POU6F2: variants seen among roughly 807,000 people sequenced by gnomAD.
The protein encoded by POU6F2 is POU class 6 homeobox 2.
Under a neutral mutation model 71.3 loss-of-function variants are expected in POU6F2, and 31 were observed. The observed-to-expected ratio is 0.43, with a 90% CI of 0.33 to 0.59. The LOEUF (loss-of-function observed/expected upper bound fraction) is 0.59, where lower values mean the gene tolerates loss of function less well. Ranked by LOEUF, POU6F2 falls within the 20% of genes least tolerant of loss-of-function variation. The pLI, the probability that POU6F2 is intolerant of heterozygous loss-of-function variation, is 0.04. For synonymous variants in POU6F2, 347 were observed against 355.7 expected (o/e 0.98, Z 0.27); for missense variants, 783 against 856.8 (o/e 0.91, Z 1.07).
chr7:39,371,810 C>T (rs905626390), intron 5 of POU6F2, among the ~76,000 whole-genome samples: 14 of 152,188 alleles, frequency 9.2e-5, no homozygotes, highest in African/African-American at 3.1e-4. Context: ...ATTGCTATAG[C>T]GCAGGAGCCA....
intron 5 of POU6F2, among the ~76,000 whole-genome samples, chr7:39,399,124 C>A (rs1046060845): frequency 6.6e-6 from 1 of 152,154 alleles, no homozygotes; most frequent in Admixed American, 6.5e-5. Context: ...AAACCACCAC[C>A]CCTTCTCCCA....
At chr7:39,178,456 A>T (rs1793372751) in intron 2 of POU6F2, among the ~76,000 whole-genome samples, 1 of 152,152 alleles carries the variant, frequency 6.6e-6, no homozygotes, top group African/African-American at 2.4e-5. Flanking sequence ...ACATTTTATA[A>T]GTATAATACA....
rs551947119 is a variant in POU6F2 at position 39,396,999 on chromosome 7, A to G, written c.973-9601A>G. Among the ~76,000 whole-genome samples the G allele has an allele frequency of 1.7e-4, 26 of 152,170 alleles. No homozygotes were observed. In the South Asian group the frequency reaches 4.4e-3, roughly 26 times the overall value. ...CCTCAGCCCAGCCCAGCCCCACCCAATTCCAGGCAAAGAATTTCTAGGGAC... is the reference window on the plus strand; with the variant it reads ...CCTCAGCCCAGCCCAGCCCCACCCAGTTCCAGGCAAAGAATTTCTAGGGAC... On this transcript the variant is annotated intron_variant, in intron 5 of 9. Coordinates refer to ENST00000518318, the MANE Select transcript of POU6F2 (RefSeq NM_001370959.1).
chr7:39,269,982 G>T (rs981777250), intron 4 of POU6F2, among the ~76,000 whole-genome samples: 1 of 152,194 alleles, frequency 6.6e-6, no homozygotes, highest in Non-Finnish European at 1.5e-5. Flanking sequence ...ATAATAGGAA[G>T]ATGTTTTATC....
At chr7:39,161,174 A>G (rs1054859062) in intron 2 of POU6F2, among the ~76,000 whole-genome samples, 3 of 152,036 alleles carry the variant, frequency 2.0e-5, no homozygotes, top group African/African-American at 7.2e-5. Flanking sequence ...CCTAACTACA[A>G]TCTCTTGCCT....
At chr7:38,994,380 G>T (rs373111825) in intron 1 of POU6F2, among the ~76,000 whole-genome samples, 20 of 152,258 alleles carry the variant, frequency 1.3e-4, no homozygotes, top group African/African-American at 4.1e-4. Flanking sequence ...GATTCTGCAG[G>T]TCCCAGAGGA....
chr7:39,432,956 C>T, intron 6 of POU6F2, 121 bp from the exon 7 acceptor site: 1 of 923,180 alleles, frequency 1.1e-6, no homozygotes. Flanking sequence ...TCCAGAGCTG[C>T]TTGCAGATTC....
At chr7:39,072,034 A>C (rs575140863) in intron 1 of POU6F2, among the ~76,000 whole-genome samples, 13 of 152,316 alleles carry the variant, frequency 8.5e-5, no homozygotes, top group African/African-American at 2.6e-4. Flanking sequence ...CAAATCTCAC[A>C]GGGCATCAGG....
At chr7:39,461,350 C>T (rs1001098542) in intron 9 of POU6F2, among the ~76,000 whole-genome samples, 2 of 152,180 alleles carry the variant, frequency 1.3e-5, no homozygotes, top group Non-Finnish European at 2.9e-5. Flanking sequence ...CAGAATCCAG[C>T]CTTGGTTGTG....
At chr7:39,060,345 G>A (rs1232420071) in intron 1 of POU6F2, among the ~76,000 whole-genome samples, 3 of 152,170 alleles carry the variant, frequency 2.0e-5, no homozygotes, top group Admixed American at 2.0e-4. Flanking sequence ...AGATAATGGA[G>A]TTATAACTCA....
At chr7:39,101,944 A>G (rs957057374) in intron 2 of POU6F2, among the ~76,000 whole-genome samples, 4 of 152,218 alleles carry the variant, frequency 2.6e-5, no homozygotes, top group East Asian at 1.9e-4. Context: ...TTTCTTTACA[A>G]CAATTTGCTC....
chr7:39,438,637 A>G (rs1788310429), intron 7 of POU6F2, among the ~76,000 whole-genome samples: 1 of 152,240 alleles, frequency 6.6e-6, no homozygotes, highest in Admixed American at 6.5e-5. Flanking sequence ...ACCATTGTGG[A>G]AGACAGTGTG....
intron 1 of POU6F2, among the ~76,000 whole-genome samples, chr7:39,035,283 C>T (rs953007069): frequency 6.6e-6 from 1 of 151,926 alleles, no homozygotes; most frequent in Non-Finnish European, 1.5e-5. Context: ...TGCAGTTTCC[C>T]CTCCAGAATA....
chr7:39,419,011 ATATG>A (rs200008389), intron 6 of POU6F2, among the ~76,000 whole-genome samples: 5,445 of 135,696 alleles, frequency 0.04, 181 homozygotes, highest in East Asian at 0.076. Context: ...ATATGTGTAT[ATATG>A]TATATATATG....
intron 1 of POU6F2, among the ~76,000 whole-genome samples, chr7:39,044,501 T>C (rs1467681904): frequency 6.6e-6 from 1 of 151,970 alleles, no homozygotes. Flanking sequence ...GCAGATACTG[T>C]AGCATTTTGA....
At chr7:39,406,562 C>G (rs1787433684) in intron 5 of POU6F2, 38 bp from the exon 6 acceptor site, 2 of 1,604,730 alleles carry the variant, frequency 1.2e-6, no homozygotes, top group East Asian at 2.2e-5. Context: ...GCCTGTGCCT[C>G]TCGGTGGTTT....
At chr7:39,213,830 G>T (rs1008674378) in intron 4 of POU6F2, among the ~76,000 whole-genome samples, 3 of 152,192 alleles carry the variant, frequency 2.0e-5, no homozygotes, top group African/African-American at 7.2e-5. Context: ...CCTTGATTGG[G>T]TGTCTCTAGG....
At chr7:39,320,191 A>G (rs531381837) in intron 4 of POU6F2, among the ~76,000 whole-genome samples, 9 of 152,280 alleles carry the variant, frequency 5.9e-5, no homozygotes, top group Non-Finnish European at 8.8e-5. Flanking sequence ...GAGAATAAAA[A>G]CCAACAAGTG....
chr7:38,998,839 T>A (rs1036414245), intron 1 of POU6F2, among the ~76,000 whole-genome samples: 17 of 95,342 alleles, frequency 1.8e-4, no homozygotes, highest in Non-Finnish European at 2.8e-4. Context: ...TTTTTTTTTT[T>A]ATTTTCAGTA....
Sources: gnomAD v4.1 joint callset for allele counts (sites outside exome capture counted in the v4.1 genomes callset) on GRCh38, gnomAD v4.1.1 for gene constraint, MANE v1.5 for transcripts, NCBI Gene and HGNC (gene_info 2026-07-23, HGNC 2026-07-21) for gene names.